Variants in CDK6 observed in about 807,000 individuals in gnomAD.
CDK6 encodes the protein cyclin-dependent kinase 6.
CDK6 carries 6 observed loss-of-function variants against 37.1 expected under a neutral mutation model. The observed-to-expected ratio is 0.16, with a 90% CI of 0.09 to 0.32. The LOEUF (loss-of-function observed/expected upper bound fraction) is 0.32. Among genes scored for constraint, CDK6 ranks in the 10% least tolerant of loss-of-function variants. The pLI, the probability that CDK6 is intolerant of heterozygous loss-of-function variation, is 1.00. For synonymous variants in CDK6, 160 were observed against 161.3 expected (o/e 0.99, Z 0.06); for missense variants, 224 against 418.9 (o/e 0.53, Z 4.06).
At chr7:92,836,251 A>C (rs1052109465) in intron 1 of CDK6, among the ~76,000 whole-genome samples, 2 of 151,626 alleles carry the variant, frequency 1.3e-5, no homozygotes, top group African/African-American at 4.9e-5. Context: ...CTCTCATCAG[A>C]TAAGGAGAAT....
At chr7:92,699,475 C>A (rs531981858) in intron 4 of CDK6, among the ~76,000 whole-genome samples, 53 of 152,182 alleles carry the variant, frequency 3.5e-4, no homozygotes, top group Non-Finnish European at 6.0e-4. Context: ...TCTACTAAAC[C>A]AAATTCTCCT....
In CDK6 at chr7:92,745,208, G is replaced by T. The variant is rs149823411; in HGVS notation, c.370-19415C>A. ...GCTCTTGCAGACTTCTTCACATTTG[G>T]ATTTTATCTATCATTCTTGAACATA... On this transcript the variant is annotated intron_variant, in intron 3 of 7. Transcript: ENST00000424848. Among the ~76,000 whole-genome samples, 215 of 152,182 alleles carry T rather than the reference G, an allele frequency of 1.4e-3. 1 individual carries two copies. Among genetic ancestry groups the T allele is most frequent in the African/African-American group, 4.5e-3 (186 of 41,518 alleles).
intron 3 of CDK6, among the ~76,000 whole-genome samples, chr7:92,740,339 C>T (rs1798890799): frequency 6.6e-6 from 1 of 152,192 alleles, no homozygotes; most frequent in African/African-American, 2.4e-5. Context: ...ACATACACAT[C>T]TTGTCTGTCT....
At chr7:92,748,854 A>G (rs749012091) in intron 3 of CDK6, among the ~76,000 whole-genome samples, 2 of 152,144 alleles carry the variant, frequency 1.3e-5, no homozygotes, top group Non-Finnish European at 2.9e-5. Flanking sequence ...AGAATTAATG[A>G]ATGTGATTTT....
intron 2 of CDK6, among the ~76,000 whole-genome samples, chr7:92,824,774 G>A (rs1164847049): frequency 1.3e-5 from 2 of 152,010 alleles, no homozygotes; most frequent in East Asian, 1.9e-4. Flanking sequence ...CCTTATATTT[G>A]TATAATATTG....
At chr7:92,731,169 G>A (rs949829140) in intron 3 of CDK6, among the ~76,000 whole-genome samples, 5 of 152,170 alleles carry the variant, frequency 3.3e-5, no homozygotes, top group East Asian at 1.9e-4. Context: ...CAGGGTTCCC[G>A]TGTGCTTTCA....
At chr7:92,776,544 T>A (rs1799855474) in intron 2 of CDK6, among the ~76,000 whole-genome samples, 1 of 152,270 alleles carries the variant, frequency 6.6e-6, no homozygotes, top group Non-Finnish European at 1.5e-5. Context: ...AAAGCATTCC[T>A]GTTTCTCCAC....
chr7:92,760,450 ATTC>A, intron 3 of CDK6, among the ~76,000 whole-genome samples: 1 of 152,188 alleles, frequency 6.6e-6, no homozygotes, highest in East Asian at 1.9e-4. Flanking sequence ...TATGTTGTTA[ATTC>A]TTATGTTGGG....
intron 7 of CDK6, among the ~76,000 whole-genome samples, chr7:92,616,439 G>A (rs1477060777): frequency 2.0e-5 from 3 of 152,148 alleles, no homozygotes; most frequent in Non-Finnish European, 4.4e-5. Flanking sequence ...ATCCCCATCA[G>A]TCCATGGTTG....
At chr7:92,630,250 C>A (rs1585349488) in intron 5 of CDK6, among the ~76,000 whole-genome samples, 1 of 151,444 alleles carries the variant, frequency 6.6e-6, no homozygotes, top group African/African-American at 2.4e-5. Flanking sequence ...ATTTTATATA[C>A]TTTTTGATAT....
At chr7:92,667,587 T>C (rs1796987796) in intron 5 of CDK6, among the ~76,000 whole-genome samples, 1 of 151,406 alleles carries the variant, frequency 6.6e-6, no homozygotes, top group Non-Finnish European at 1.5e-5. Context: ...CCTCCTTCTG[T>C]TGCCCAGGCT....
At chr7:92,741,139 T>C (rs1436463992) in intron 3 of CDK6, among the ~76,000 whole-genome samples, 1 of 152,132 alleles carries the variant, frequency 6.6e-6, no homozygotes, top group Non-Finnish European at 1.5e-5. Flanking sequence ...CTGTATAATA[T>C]CAAGCAGCAA....
intron 4 of CDK6, chr7:92,725,081 C>A: frequency 1.0e-6 from 1 of 985,394 alleles, no homozygotes; most frequent in South Asian, 4.7e-5. Flanking sequence ...TTCGCTCTTT[C>A]TATTCAGGGT....
intron 6 of CDK6, among the ~76,000 whole-genome samples, chr7:92,619,964 A>G (rs1795772153): frequency 1.3e-5 from 2 of 152,216 alleles, no homozygotes; most frequent in Middle Eastern, 3.2e-3. Context: ...GACAGGGCAG[A>G]GGAGGGAATG....
chr7:92,729,554 G>C (rs1032854260), intron 3 of CDK6, among the ~76,000 whole-genome samples: 1 of 152,042 alleles, frequency 6.6e-6, no homozygotes, highest in Non-Finnish European at 1.5e-5. Context: ...TCTTAGGTGG[G>C]GCTTTATCTT....
intron 2 of CDK6, among the ~76,000 whole-genome samples, chr7:92,804,343 C>T (rs1416453204): frequency 1.3e-5 from 2 of 152,148 alleles, no homozygotes; most frequent in African/African-American, 4.8e-5. Context: ...ATTTAGCCAA[C>T]CAAAACAAAT....
At chr7:92,808,989 G>A (rs1800799554) in intron 2 of CDK6, among the ~76,000 whole-genome samples, 1 of 152,094 alleles carries the variant, frequency 6.6e-6, no homozygotes, top group Non-Finnish European at 1.5e-5. Context: ...AGAGGCCTCT[G>A]TAAAGATGAA....
intron 3 of CDK6, among the ~76,000 whole-genome samples, chr7:92,737,650 C>T (rs1798819326): frequency 6.6e-6 from 1 of 152,150 alleles, no homozygotes; most frequent in African/African-American, 2.4e-5. Flanking sequence ...TACAAATGAA[C>T]TTTCTTACAT....
intron 5 of CDK6, among the ~76,000 whole-genome samples, chr7:92,664,364 C>T (rs1796909902): frequency 6.6e-6 from 1 of 152,158 alleles, no homozygotes; most frequent in Non-Finnish European, 1.5e-5. Flanking sequence ...TTCAGGTCAG[C>T]TTGTGAAGGA....
Sources: allele counts gnomAD v4.1 joint callset (sites outside exome capture counted in the v4.1 genomes callset), GRCh38; gene constraint gnomAD v4.1.1; transcripts MANE v1.5; gene names NCBI Gene and HGNC (gene_info 2026-07-23, HGNC 2026-07-21).